Variants in MFAP5 observed in about 807,000 individuals in gnomAD.
The protein encoded by MFAP5 is microfibril associated protein 5, also known as microfibrillar-associated protein 5.
In MFAP5, 19 loss-of-function variants were observed where a neutral mutation model predicts 30.1. The observed-to-expected ratio is 0.63, with a 90% CI of 0.44 to 0.93. The LOEUF is 0.93. Among genes scored for constraint, MFAP5 ranks in the 40% least tolerant of loss-of-function variants. The probability of loss-of-function intolerance (pLI) is 0.00; values close to 1 mark genes in which losing one functional copy is unlikely to be tolerated. For missense variants in MFAP5, 210 were observed against 221.3 expected (o/e 0.95, Z 0.32); for synonymous variants, 92 against 72.9 (o/e 1.26, Z -1.33).
At chr12:8,651,984 G>C (rs1306804558) in intron 6 of MFAP5, among the ~76,000 whole-genome samples, 5 of 152,126 alleles carry the variant, frequency 3.3e-5, no homozygotes, top group African/African-American at 7.2e-5. Flanking sequence ...AGCAAATTTA[G>C]TAGGAACACA....
At chr12:8,656,573 A>AAC (rs1248213357) in intron 3 of MFAP5, among the ~76,000 whole-genome samples, 2 of 128,546 alleles carry the variant, frequency 1.6e-5, no homozygotes, top group Admixed American at 7.8e-5. Flanking sequence ...ATGCCTGGCT[A>AAC]ATATATATAT....
In MFAP5 at chr12:8,654,423, A is replaced by C. The variant is rs1197248916; in HGVS notation, c.217+14T>G. 1 of 1,594,444 alleles carries C rather than the reference A, an allele frequency of 6.3e-7. No individual in the cohort carries two copies. Among genetic ancestry groups the C allele is most frequent in the African/African-American group, 1.3e-5 (1 of 74,866 alleles). On this transcript the variant is annotated intron_variant, in intron 6 of 9. Transcript: ENST00000359478. Reference sequence around the variant, plus strand: ...ATGGCCCTGATGACCTGGGGGTCCCAGATCTGAACTCACCCAAGTCATCTG... The same window carrying C: ...ATGGCCCTGATGACCTGGGGGTCCCCGATCTGAACTCACCCAAGTCATCTG...
intron 7 of MFAP5, 49 bp downstream of exon 7, chr12:8,651,613 C>T (rs1183044558): frequency 6.3e-7 from 1 of 1,586,202 alleles, no homozygotes; most frequent in Non-Finnish European, 8.7e-7. Flanking sequence ...GGTAAGGAAT[C>T]CACAGGAAGA....
intron 8 of MFAP5, 51 bp from the exon 9 acceptor site, chr12:8,649,625 G>C: frequency 6.6e-7 from 1 of 1,515,218 alleles, no homozygotes; most frequent in Non-Finnish European, 9.2e-7. Context: ...AGAAAGCCTT[G>C]AGAGGAGAAC....
At chr12:8,654,169 C>A in intron 6 of MFAP5, 6 of 328,082 alleles carry the variant, frequency 1.8e-5, no homozygotes, top group East Asian at 4.9e-5. Flanking sequence ...ATTACTTCTT[C>A]TACCCTTTAT....
chr12:8,660,605 G>A (rs1942120295), intron 3 of MFAP5, among the ~76,000 whole-genome samples: 1 of 152,112 alleles, frequency 6.6e-6, no homozygotes, highest in Admixed American at 6.5e-5. Context: ...TGGTCATAGA[G>A]GATGTCTTGG....
At chr12:8,654,403 C>T (rs1220577402) in intron 6 of MFAP5, 34 bp downstream of exon 6, 21 of 1,574,102 alleles carry the variant, frequency 1.3e-5, no homozygotes, top group East Asian at 4.6e-5. Flanking sequence ...CTAGAATGGC[C>T]CTGATGACCT....
At position 8,660,937 on chromosome 12, in the gene MFAP5, A is replaced by G. The variant is rs1378404534; in HGVS notation, c.59-39T>C. 1.9e-6 allele frequency: 3 copies of G among 1,556,680 alleles called. No individual in the cohort carries two copies. The Admixed American group carries it at 5.2e-5, about 27-fold the overall frequency. On this transcript the variant is annotated intron_variant, in intron 2 of 9. Transcript: ENST00000359478. ...AGAGAAAAGAGATGTGAGTGACTGC[A>G]GCTCTATACCTCGTAACCCTTTTAT...
At chr12:8,649,013 A>C (rs2136459074) in intron 9 of MFAP5, among the ~76,000 whole-genome samples, 1 of 152,312 alleles carries the variant, frequency 6.6e-6, no homozygotes, top group South Asian at 2.1e-4. Context: ...GAATTGGTGA[A>C]CTATTTATAA....
In MFAP5 at chr12:8,660,888, G is replaced by A; in HGVS notation, c.69C>T (p.Pro23=). The change falls in exon 3 of 10, where the codon CCC becomes CCT. Residue 23 remains proline, a synonymous_variant. Transcript: ENST00000359478. ...CTCCTCGTTGACTATTGACCCCCAGGGGTATCCAGTCTATAGCAAAGGAAG... is the reference window on the plus strand; with the variant it reads ...CTCCTCGTTGACTATTGACCCCCAGAGGTATCCAGTCTATAGCAAAGGAAG... ...AAFIITSDWI[P]LGVNSQRGDD... is the part of the protein sequence containing the mutation. 6.2e-7 allele frequency: 1 copy of A among 1,612,592 alleles called. No homozygotes were observed. Among genetic ancestry groups the A allele is most frequent in the South Asian group, 1.1e-5 (1 of 91,022 alleles).
At chr12:8,656,184 C>G (rs910100223) in intron 3 of MFAP5, among the ~76,000 whole-genome samples, 2 of 151,598 alleles carry the variant, frequency 1.3e-5, no homozygotes, top group Non-Finnish European at 2.9e-5. Context: ...CCTCAGCCTC[C>G]CAAGTAGCTG....
chr12:8,657,475 T>A (rs1012088374), intron 3 of MFAP5, among the ~76,000 whole-genome samples: 2 of 151,602 alleles, frequency 1.3e-5, no homozygotes, highest in Non-Finnish European at 2.9e-5. Flanking sequence ...AAGCAAACAT[T>A]CCATCAGCAA....
intron 8 of MFAP5, 53 bp downstream of exon 8, chr12:8,650,449 A>G (rs1941802667): frequency 5.8e-6 from 9 of 1,562,444 alleles, no homozygotes; most frequent in South Asian, 1.1e-5. Flanking sequence ...ATAGTTATCA[A>G]CACAGAAACA....
At chr12:8,651,577 G>C in intron 7 of MFAP5, 85 bp downstream of exon 7, 1 of 1,329,884 alleles carries the variant, frequency 7.5e-7, no homozygotes, top group Middle Eastern at 1.8e-4. Flanking sequence ...TAGAAGATGT[G>C]CCAAGTACCC....
chr12:8,655,509 G>A, intron 4 of MFAP5, 62 bp from the exon 5 acceptor site: 1 of 1,519,126 alleles, frequency 6.6e-7, no homozygotes, highest in South Asian at 1.2e-5. Flanking sequence ...AAGGAAAGCA[G>A]GATAAGGGGA....
At chr12:8,659,494 A>G (rs1457455637) in intron 3 of MFAP5, among the ~76,000 whole-genome samples, 1 of 152,122 alleles carries the variant, frequency 6.6e-6, no homozygotes, top group African/African-American at 2.4e-5. Flanking sequence ...TAAAGTCTTA[A>G]CACAGGACTG....
At chr12:8,652,702 A>G (rs146818380) in intron 6 of MFAP5, among the ~76,000 whole-genome samples, 238 of 152,282 alleles carry the variant, frequency 1.6e-3, no homozygotes, top group African/African-American at 5.5e-3. Context: ...CCAAACCTGT[A>G]TTTCCAACCT....
Position 8,650,496 on chromosome 12 carries a change from C to T in MFAP5, c.335+6G>A, listed in dbSNP as rs141521570. 1 of 1,613,116 alleles carries T rather than the reference C, an allele frequency of 6.2e-7. No homozygotes were observed. Among genetic ancestry groups the T allele is most frequent in the East Asian group, 2.2e-5 (1 of 44,866 alleles). ...GATGCTTTTTGGGCATTCTGGGATC[C>T]CTTACCTGGTGAAGCATAACTGATG... On this transcript the variant is annotated splice_donor_region_variant and intron_variant, in intron 8 of 9. Transcript: ENST00000359478.
chr12:8,656,668 A>ATATATATT (rs1174790172), intron 3 of MFAP5, among the ~76,000 whole-genome samples: 16 of 118,776 alleles, frequency 1.3e-4, no homozygotes, highest in African/African-American at 5.3e-4. Flanking sequence ...ATATATATAT[A>ATATATATT]TTTTTTTTTT....
Sources: allele counts gnomAD v4.1 joint callset (sites outside exome capture counted in the v4.1 genomes callset), GRCh38; gene constraint gnomAD v4.1.1; transcripts MANE v1.5; gene names NCBI Gene and HGNC (gene_info 2026-07-23, HGNC 2026-07-21).